The following ARMC8 variants were observed in gnomAD, a reference collection of about 807,000 sequenced individuals.
ARMC8 encodes the protein armadillo repeat containing 8, also known as armadillo repeat-containing protein 8.
Under a neutral mutation model 99.3 loss-of-function variants are expected in ARMC8, and 20 were observed. The ratio of observed to expected loss-of-function variants is 0.20; its 90% CI spans 0.14 to 0.29. The LOEUF (loss-of-function observed/expected upper bound fraction) is 0.29, where lower values mean the gene tolerates loss of function less well. Among genes scored for constraint, ARMC8 ranks in the 10% least tolerant of loss-of-function variants. ARMC8 has a pLI of 1.00. For missense variants in ARMC8, 569 were observed against 809.5 expected, an observed-to-expected ratio of 0.70 and a Z score of 3.60; for synonymous variants, 263 against 278.3, an observed-to-expected ratio of 0.95 and a Z score of 0.55.
chr3:138,194,106 G>A (rs530622113), intron 1 of ARMC8, among the ~76,000 whole-genome samples: 8 of 150,890 alleles, frequency 5.3e-5, no homozygotes, highest in Admixed American at 1.3e-4. Flanking sequence ...GCAGTGGCGC[G>A]ACCTCAGCTC....
intron 12 of ARMC8, among the ~76,000 whole-genome samples, chr3:138,252,738 G>GC (rs1348787471): frequency 8.1e-3 from 28 of 3,478 alleles, no homozygotes; most frequent in Non-Finnish European, 0.018. Flanking sequence ...ACAGGCGTGA[G>GC]CCACCCCGCC....
chr3:138,292,892 G>T (rs988976945), intron 21 of ARMC8, among the ~76,000 whole-genome samples: 10 of 152,206 alleles, frequency 6.6e-5, no homozygotes, highest in African/African-American at 2.4e-4. Context: ...AGAAGGAACA[G>T]CTAGTGAGGC....
chr3:138,187,862 C>G (rs2043156061), intron 1 of ARMC8: 3 of 529,012 alleles, frequency 5.7e-6, no homozygotes, highest in Admixed American at 6.6e-5. Flanking sequence ...GGTGGCTGGG[C>G]TTATAGACAA....
chr3:138,260,376 C>G (rs1403172544), intron 12 of ARMC8, among the ~76,000 whole-genome samples: 1 of 152,130 alleles, frequency 6.6e-6, no homozygotes, highest in Admixed American at 6.5e-5. Context: ...ACTGAAGGCC[C>G]AGAGAGGTAA....
rs991937115 is a variant in ARMC8, at chr3:138,224,685, C to T, written c.435+952C>T. Reference sequence around the variant, plus strand: ...AAAATCACTTGAACCCAGGAGGAGACGTTGCAGTGATCTGAGATCACACCA... The same window carrying T: ...AAAATCACTTGAACCCAGGAGGAGATGTTGCAGTGATCTGAGATCACACCA... On this transcript the variant is annotated intron_variant, in intron 5 of 21. Transcript: ENST00000469044. Among the ~76,000 whole-genome samples, 59 of 152,266 alleles carry T rather than the reference C, an allele frequency of 3.9e-4. 1 individual carries two copies. The highest frequency in any genetic ancestry group is 3.4e-3 in the Middle Eastern group (1 of 294).
At chr3:138,236,257 T>G (rs2046327802) in intron 7 of ARMC8, among the ~76,000 whole-genome samples, 1 of 152,008 alleles carries the variant, frequency 6.6e-6, no homozygotes, top group Non-Finnish European at 1.5e-5. Flanking sequence ...GCAGGGGAAA[T>G]AAATATATAC....
At chr3:138,233,735 C>A (rs2046184003) in intron 6 of ARMC8, among the ~76,000 whole-genome samples, 1 of 152,182 alleles carries the variant, frequency 6.6e-6, no homozygotes, top group African/African-American at 2.4e-5. Context: ...ACAGTTGTTA[C>A]TTGCTTAAAT....
intron 15 of ARMC8, among the ~76,000 whole-genome samples, chr3:138,268,825 G>A (rs2048519771): frequency 6.6e-6 from 1 of 152,170 alleles, no homozygotes; most frequent in Non-Finnish European, 1.5e-5. Context: ...AGTGGGGGAG[G>A]GAAATGCTAT....
chr3:138,187,795 T>G, intron 1 of ARMC8, 196 bp downstream of exon 1: 1 of 589,398 alleles, frequency 1.7e-6, no homozygotes, highest in Non-Finnish European at 2.9e-6. Context: ...CCAAAGACGT[T>G]TCCAACTCCG....
chr3:138,196,998 A>G (rs1310349973), intron 1 of ARMC8, among the ~76,000 whole-genome samples: 1 of 152,224 alleles, frequency 6.6e-6, no homozygotes, highest in Non-Finnish European at 1.5e-5. Context: ...TTTTACCCAG[A>G]GTATGCCAGT....
Position 138,222,339 on chromosome 3 carries a change from A to G in ARMC8, c.194+342A>G, listed in dbSNP as rs1490692028. ...TTGGCAGTTTTTTGTGTGAGTGGGTAATTTATTAGGAGCCTTAAGACCTTT... is the reference window on the plus strand; with the variant it reads ...TTGGCAGTTTTTTGTGTGAGTGGGTGATTTATTAGGAGCCTTAAGACCTTT... On this transcript the variant is annotated intron_variant, in intron 3 of 21. Coordinates refer to ENST00000469044, the MANE Select transcript of ARMC8 (RefSeq NM_001363941.2). Among the ~76,000 whole-genome samples the G allele has an allele frequency of 3.9e-5, 6 of 152,284 alleles. No individual in the cohort carries two copies. The East Asian group carries it at 1.2e-3, about 29-fold the overall frequency.
intron 18 of ARMC8, 75 bp from the exon 19 acceptor site, chr3:138,284,356 T>C (rs2050205851): frequency 1.8e-6 from 2 of 1,110,214 alleles, no homozygotes; most frequent in Admixed American, 1.8e-5. Flanking sequence ...AGTGAAAAAT[T>C]GCCCAAGCTC....
chr3:138,280,960 C>A (rs2049848262), intron 18 of ARMC8, among the ~76,000 whole-genome samples: 2 of 152,106 alleles, frequency 1.3e-5, no homozygotes, highest in Non-Finnish European at 2.9e-5. Context: ...CCAACTGTTT[C>A]TTTAAGAGGC....
intron 16 of ARMC8, among the ~76,000 whole-genome samples, chr3:138,272,268 C>T (rs889892341): frequency 9.9e-5 from 15 of 152,222 alleles, no homozygotes; most frequent in Middle Eastern, 6.8e-3. Flanking sequence ...TATTTTCTTC[C>T]GTGAGTACTT....
chr3:138,286,493 G>GT (rs2050427872), intron 19 of ARMC8, among the ~76,000 whole-genome samples: 1 of 152,008 alleles, frequency 6.6e-6, no homozygotes, highest in African/African-American at 2.4e-5. Context: ...CTTGGCTTGC[G>GT]TGACACCATA....
At chr3:138,195,176 G>A (rs1453383160) in intron 1 of ARMC8, among the ~76,000 whole-genome samples, 1 of 151,968 alleles carries the variant, frequency 6.6e-6, no homozygotes, top group Admixed American at 6.6e-5. Context: ...TACTCGGGAG[G>A]CTGAGGCAGG....
chr3:138,271,798 C>CTTTCTTTTTTTTTTTT lies in ARMC8; in HGVS notation c.1480-1166_1480-1165insCTTTTTTTTTTTTTTT, dbSNP rs1018824241. ...AGTTCACAAGATTTTTTTTTTCTTTCTTTTTTTTTTTTTTTGATACAGAGT... is the reference window on the plus strand; with the variant it reads ...AGTTCACAAGATTTTTTTTTTCTTTCTTTCTTTTTTTTTTTTTTTTTTTTTTTTTTTGATACAGAGT... On this transcript the variant is annotated intron_variant, in intron 16 of 21. Coordinates refer to ENST00000469044, the MANE Select transcript of ARMC8 (RefSeq NM_001363941.2). Among the ~76,000 whole-genome samples, 1,060 of 135,890 alleles carry CTTTCTTTTTTTTTTTT rather than the reference C, an allele frequency of 7.8e-3. 29 individuals are homozygous for CTTTCTTTTTTTTTTTT. Among genetic ancestry groups the CTTTCTTTTTTTTTTTT allele is most frequent in the African/African-American group, 0.027 (942 of 35,084 alleles). 89.1% of individuals were successfully genotyped at this position (135,890 alleles called of 152,430 possible).
At chr3:138,280,506 T>C (rs1186071786) in intron 18 of ARMC8, among the ~76,000 whole-genome samples, 1 of 149,904 alleles carries the variant, frequency 6.7e-6, no homozygotes, top group Non-Finnish European at 1.5e-5. Context: ...TCTTTTTTTT[T>C]TTTTTGAGAC....
chr3:138,264,279 C>A, intron 14 of ARMC8, 67 bp downstream of exon 14: 1 of 1,241,810 alleles, frequency 8.1e-7, no homozygotes, highest in Non-Finnish European at 1.2e-6. Context: ...AGCTAGCTAA[C>A]ACTACTCCCT....
Sources: allele counts gnomAD v4.1 joint callset (sites outside exome capture counted in the v4.1 genomes callset), GRCh38; gene constraint gnomAD v4.1.1; transcripts MANE v1.5; gene names NCBI Gene and HGNC (gene_info 2026-07-23, HGNC 2026-07-21).